Variants in MILR1 observed in about 807,000 individuals in gnomAD.
The protein encoded by MILR1 is mast cell immunoglobulin like receptor 1, also known as allergin-1.
In MILR1, 31 loss-of-function variants were observed where a neutral mutation model predicts 18.5. That is an observed-to-expected ratio of 1.68 (90% CI 1.26 to 2.26). The LOEUF (loss-of-function observed/expected upper bound fraction) is 2.26, where lower values mean the gene tolerates loss of function less well. Among genes scored for constraint, MILR1 ranks in the 30% most tolerant of loss-of-function variants. The probability of loss-of-function intolerance (pLI) is 0.00; values close to 1 mark genes in which losing one functional copy is unlikely to be tolerated. For missense variants in MILR1, 257 were observed against 157.4 expected, an observed-to-expected ratio of 1.63 and a Z score of -3.38; for synonymous variants, 85 against 56.2, an observed-to-expected ratio of 1.51 and a Z score of -2.30.
the MILR1 span, chr17:64,478,115 C>CA: frequency 2.7e-5 from 22 of 827,438 alleles, no homozygotes; most frequent in Middle Eastern, 2.2e-3. Context: ...AAGGGTGGAC[C>CA]AAAAAAACCC....
At chr17:64,458,129 T>G (rs1297336743) in intron 4 of MILR1, among the ~76,000 whole-genome samples, 2 of 150,908 alleles carry the variant, frequency 1.3e-5, no homozygotes, top group African/African-American at 5.0e-5. Context: ...CCTTCCTTCC[T>G]TCCTTCTTGT....
At chr17:64,458,684 C>A (rs2037357073) in intron 4 of MILR1, among the ~76,000 whole-genome samples, 1 of 151,956 alleles carries the variant, frequency 6.6e-6, no homozygotes, top group African/African-American at 2.4e-5. Flanking sequence ...TATGCACCTT[C>A]CCCTAGGCTG....
At chr17:64,492,651 G>A in the MILR1 span, 2 of 1,448,814 alleles carry the variant, frequency 1.4e-6, no homozygotes, top group East Asian at 4.5e-5. Context: ...TAAATTAAAG[G>A]TAATTATTGC....
chr17:64,484,818 G>C, the MILR1 span, among the ~76,000 whole-genome samples: 1 of 152,130 alleles, frequency 6.6e-6, no homozygotes, highest in East Asian at 1.9e-4. Flanking sequence ...ACTTAACTAA[G>C]AAGAGTGGTT....
In MILR1 at chr17:64,453,147, C is replaced by A. The variant is rs995219654; in HGVS notation, c.367+281C>A. ...ACAGTGGTGAAATCATGGTCCACTGCAAACTCCACCTCCTGGGTTCAAGGC... is the reference window on the plus strand; with the variant it reads ...ACAGTGGTGAAATCATGGTCCACTGAAAACTCCACCTCCTGGGTTCAAGGC... On this transcript the variant is annotated intron_variant, in intron 3 of 9. Transcript: ENST00000619286. 6.2e-3 allele frequency among the ~76,000 whole-genome samples: 937 copies of A among 151,518 alleles called. 11 individuals carry two copies. Among genetic ancestry groups the A allele is most frequent in the African/African-American group, 0.021 (873 of 41,198 alleles).
chr17:64,473,344 C>T (rs1302893223), downstream of MILR1, among the ~76,000 whole-genome samples: 1 of 135,892 alleles, frequency 7.4e-6, no homozygotes, highest in East Asian at 1.9e-4. Context: ...GAGGAAGGCT[C>T]CGTCTCAAAA....
chr17:64,490,719 C>T, the MILR1 span: 2 of 1,171,268 alleles, frequency 1.7e-6, no homozygotes, highest in Non-Finnish European at 2.6e-6. Flanking sequence ...CACGTTTGCA[C>T]CTTATTCTCA....
the MILR1 span, among the ~76,000 whole-genome samples, chr17:64,482,166 C>T: frequency 2.2e-5 from 3 of 137,420 alleles, no homozygotes; most frequent in Admixed American, 7.6e-5. Flanking sequence ...TGCAGTGCTG[C>T]GATCTCGGCT....
downstream of MILR1, among the ~76,000 whole-genome samples, chr17:64,472,412 G>A (rs1465754057): frequency 8.0e-6 from 1 of 124,506 alleles, no homozygotes; most frequent in Non-Finnish European, 1.6e-5. Context: ...GTTGCAGTGA[G>A]CCAAGATCGC....
At position 64,457,685 on chromosome 17, in the gene MILR1, G is replaced by C. The variant is rs1433085742; in HGVS notation, c.652+1G>C. On this transcript the variant is annotated splice_donor_variant, in intron 4 of 9. Coordinates refer to ENST00000619286, the MANE Select transcript of MILR1 (RefSeq NM_001085423.2). LOFTEE classifies it high-confidence loss of function. ...CACCCTGTCACCATGCCCTCAACAGGTAAGAGCAACCTGAGTTCTTTCAGC... is the reference window on the plus strand; with the variant it reads ...CACCCTGTCACCATGCCCTCAACAGCTAAGAGCAACCTGAGTTCTTTCAGC... 6.3e-6 allele frequency: 3 copies of C among 473,860 alleles called. No homozygotes were observed. Among genetic ancestry groups the C allele is most frequent in the Admixed American group, 6.3e-5 (2 of 31,744 alleles). 29.4% of individuals were successfully genotyped at this position (473,860 alleles called of 1,614,324 possible).
At chr17:64,496,318 C>T in the MILR1 span, 2 of 802,006 alleles carry the variant, frequency 2.5e-6, no homozygotes, top group Non-Finnish European at 4.1e-6. Context: ...CATGGGAATA[C>T]AGGGCCAGTT....
the MILR1 span, chr17:64,491,866 C>T: frequency 3.4e-6 from 1 of 293,412 alleles, no homozygotes. Context: ...TCGATTGTTG[C>T]TGAATCCTTT....
intron 4 of MILR1, among the ~76,000 whole-genome samples, chr17:64,460,604 C>T (rs1217989289): frequency 5.3e-5 from 8 of 152,162 alleles, no homozygotes; most frequent in South Asian, 2.1e-4. Context: ...CCTTGATCTC[C>T]GAAAGTGCTG....
chr17:64,483,531 A>T, the MILR1 span, among the ~76,000 whole-genome samples: 1 of 150,894 alleles, frequency 6.6e-6, no homozygotes, highest in Non-Finnish European at 1.5e-5. Flanking sequence ...AAAAAAAACA[A>T]ATTAACTTGA....
At chr17:64,467,309 CT>C (rs1555663632) in intron 8 of MILR1, among the ~76,000 whole-genome samples, 2 of 149,536 alleles carry the variant, frequency 1.3e-5, no homozygotes, top group Non-Finnish European at 3.0e-5. Context: ...AAGTATCTTG[CT>C]ATATTGCCCA....
At chr17:64,492,716 T>C in the MILR1 span, 3 of 1,613,334 alleles carry the variant, frequency 1.9e-6, no homozygotes, top group East Asian at 6.7e-5. Flanking sequence ...AAGCCACTGG[T>C]TTGAAGTTCT....
the MILR1 span, among the ~76,000 whole-genome samples, chr17:64,477,567 G>A: frequency 6.6e-6 from 1 of 152,070 alleles, no homozygotes; most frequent in Non-Finnish European, 1.5e-5. Context: ...TACTAGCTTT[G>A]GACAGTCTAC....
intron 2 of MILR1, among the ~76,000 whole-genome samples, chr17:64,452,292 C>T (rs1176395342): frequency 6.6e-6 from 1 of 151,914 alleles, no homozygotes; most frequent in Non-Finnish European, 1.5e-5. Context: ...CTCACTCTGT[C>T]ACCCAGCCTG....
intron 5 of MILR1, among the ~76,000 whole-genome samples, chr17:64,461,901 TC>T (rs2037440588): frequency 6.6e-6 from 1 of 152,212 alleles, no homozygotes; most frequent in Non-Finnish European, 1.5e-5. Context: ...TCGATTAATG[TC>T]CTCAAGGTTC....
Sources: allele counts gnomAD v4.1 joint callset (sites outside exome capture counted in the v4.1 genomes callset), GRCh38; gene constraint gnomAD v4.1.1; transcripts MANE v1.5; gene names NCBI Gene and HGNC (gene_info 2026-07-23, HGNC 2026-07-21).